The following ASH1L variants were observed in gnomAD, a reference collection of about 807,000 sequenced individuals.
ASH1L encodes ASH1 like histone lysine methyltransferase.
ASH1L carries 23 observed loss-of-function variants against 269.0 expected under a neutral mutation model. The observed-to-expected ratio is 0.09, with a 90% CI of 0.06 to 0.12. ASH1L has a LOEUF of 0.12. Ranked by LOEUF, ASH1L falls within the 10% of genes least tolerant of loss-of-function variation. The probability of loss-of-function intolerance (pLI) is 1.00; values close to 1 mark genes in which losing one functional copy is unlikely to be tolerated. For missense variants in ASH1L, 2,912 were observed against 3,567.8 expected, an observed-to-expected ratio of 0.82 and a Z score of 4.68; for synonymous variants, 1,187 against 1,253.5, an observed-to-expected ratio of 0.95 and a Z score of 1.12.
rs1654047069 is a variant in ASH1L, at chr1:155,352,767, A to G, written c.7305T>C (p.Ala2435=). The G allele has an allele frequency of 1.2e-6, 2 of 1,614,162 alleles. No individual in the cohort carries two copies. Among genetic ancestry groups the G allele is most frequent in the Non-Finnish European group, 1.7e-6 (2 of 1,180,020 alleles). ...LAAAEENIEV[A]RAARLAQIFK... ...AGATCTGGGCTAGGCGGGCTGCCCG[A>G]GCCACTTCAATATTTTCCTCTGCAG... The change falls in exon 17 of 28, where the codon GCT becomes GCC. Residue 2435 remains alanine, a synonymous_variant. Coordinates refer to ENST00000392403, the MANE Select transcript of ASH1L (RefSeq NM_018489.3).
intron 4 of ASH1L, among the ~76,000 whole-genome samples, chr1:155,443,333 G>A (rs918424675): frequency 4.6e-5 from 7 of 152,092 alleles, no homozygotes; most frequent in Admixed American, 1.3e-4. Flanking sequence ...TTTTTGAATT[G>A]TTCCTATCTT....
intron 2 of ASH1L, among the ~76,000 whole-genome samples, chr1:155,514,278 TG>T (rs1362240073): frequency 6.6e-6 from 1 of 152,188 alleles, no homozygotes; most frequent in Non-Finnish European, 1.5e-5. Flanking sequence ...ATGGTTAAAA[TG>T]GAAAAAGTTC....
At chr1:155,550,781 T>A (rs1671140152) in intron 1 of ASH1L, among the ~76,000 whole-genome samples, 1 of 152,174 alleles carries the variant, frequency 6.6e-6, no homozygotes, top group Non-Finnish European at 1.5e-5. Flanking sequence ...AGCAACAACT[T>A]TTATCTGTTT....
chr1:155,383,032 C>T (rs1369323095), intron 7 of ASH1L, among the ~76,000 whole-genome samples: 1 of 152,068 alleles, frequency 6.6e-6, no homozygotes, highest in African/African-American at 2.4e-5. Context: ...CCTCTTTTCG[C>T]TTTTAACTAA....
rs1422040742 is a variant in ASH1L, at chr1:155,380,225, T to C, written c.6104-109A>G. On this transcript the variant is annotated intron_variant, in intron 7 of 27. Transcript: ENST00000392403. Reference sequence around the variant, plus strand: ...TGTACTGACTAAAAAAATAAAGATTTAATTCTTTAAGGATTTTTCCATCAC... The same window carrying C: ...TGTACTGACTAAAAAAATAAAGATTCAATTCTTTAAGGATTTTTCCATCAC... The C allele has an allele frequency of 7.9e-6, 6 of 755,324 alleles. No homozygotes were observed. The Admixed American group carries it at 1.4e-4, about 18-fold the overall frequency. The allele number at this position is 755,324 out of a possible 1,614,324, so 46.8% of individuals were successfully genotyped here.
At position 155,480,184 on chromosome 1, in the gene ASH1L, G is replaced by C; in HGVS notation, c.2686C>G (p.Gln896Glu). Residue 896 changes from glutamine (Q) to glutamate (E), a missense_variant, in exon 3 of 28, where the codon CAA (glutamine) becomes GAA (glutamate). This residue lies in a region of ASH1L where 715 missense variants were observed against 721.0 expected (regional missense o/e 0.99). Transcript: ENST00000392403. ...FPKKRGRPKR[Q>E]MRSPVKMKPP... Reference sequence around the variant, plus strand: ...TTCATCTTGACTGGTGACCTCATTTGCCTCTTAGGCCTGCCTCTCTTTTTT... The same window carrying C: ...TTCATCTTGACTGGTGACCTCATTTCCCTCTTAGGCCTGCCTCTCTTTTTT... The C allele has an allele frequency of 6.2e-7, 1 of 1,614,138 alleles. No homozygotes were observed. The highest frequency in any genetic ancestry group is 8.5e-7 in the Non-Finnish European group (1 of 1,180,000).
At chr1:155,512,025 T>C (rs953885232) in intron 2 of ASH1L, among the ~76,000 whole-genome samples, 2 of 151,986 alleles carry the variant, frequency 1.3e-5, no homozygotes, top group African/African-American at 2.4e-5. Context: ...TTGGTCAGGC[T>C]GGTCTCGAAC....
chr1:155,543,602 T>C (rs781331104), intron 1 of ASH1L, among the ~76,000 whole-genome samples: 4 of 151,734 alleles, frequency 2.6e-5, no homozygotes, highest in Non-Finnish European at 5.9e-5. Flanking sequence ...GGATATCCGT[T>C]GGCAGAAAAC....
chr1:155,461,374 G>T (rs958976405), intron 3 of ASH1L, among the ~76,000 whole-genome samples: 8 of 138,996 alleles, frequency 5.8e-5, no homozygotes, highest in Non-Finnish European at 1.1e-4. Flanking sequence ...TCATTCAAGA[G>T]TAACACGTTA....
At chr1:155,563,116 GCTC>G (rs1032705134), upstream of ASH1L, 4 of 457,062 alleles carry the variant, frequency 8.8e-6, no homozygotes, top group Middle Eastern at 3.3e-4. Context: ...GCCTCCCTCT[GCTC>G]CTCCTCCTCC....
At chr1:155,526,433 A>C (rs1399388790) in intron 1 of ASH1L, among the ~76,000 whole-genome samples, 1 of 152,228 alleles carries the variant, frequency 6.6e-6, no homozygotes, top group South Asian at 2.1e-4. Flanking sequence ...CTTCCAAATC[A>C]TATTTTATAC....
At chr1:155,490,948 A>G (rs1666731958) in intron 2 of ASH1L, among the ~76,000 whole-genome samples, 1 of 115,818 alleles carries the variant, frequency 8.6e-6, no homozygotes, top group Non-Finnish European at 1.7e-5. Context: ...AACCTGGGAG[A>G]CAGGGTGAGA....
In ASH1L at chr1:155,451,534, C is replaced by A. The variant is rs564367059; in HGVS notation, c.5086+8263G>T. Among the ~76,000 whole-genome samples, 652 of 152,020 alleles carry A rather than the reference C, an allele frequency of 4.3e-3. 2 individuals carry two copies. Among genetic ancestry groups the A allele is most frequent in the Middle Eastern group, 0.01 (3 of 294 alleles). ...CAGCACTTTGGGAGGCCAAGGCCAG[C>A]GGATCACCTGAGGTCAGGAGTTCAA... On this transcript the variant is annotated intron_variant, in intron 4 of 27. Coordinates refer to ENST00000392403, the MANE Select transcript of ASH1L (RefSeq NM_018489.3).
In ASH1L at chr1:155,479,586, G is replaced by A. The variant is rs746135067; in HGVS notation, c.3284C>T (p.Ser1095Leu). ...AAGAATCTCAGAACTACTAGCAGAT[G>A]AAGGCAGTAATGGGGGAAGAATCTG... ...LGQILPPLLP[S>L]SASSSEILPS... is the part of the protein sequence containing the mutation. The change falls in exon 3 of 28, where the codon TCA becomes TTA. Residue 1095 changes from serine (S) to leucine (L), a missense_variant. Ser to Leu is a moderately radical substitution (Grantham distance 145). Transcript: ENST00000392403. 6 of 1,614,212 alleles carry A rather than the reference G, an allele frequency of 3.7e-6. No individual in the cohort carries two copies. Among genetic ancestry groups the A allele is most frequent in the Non-Finnish European group, 5.1e-6 (6 of 1,180,030 alleles).
chr1:155,487,910 T>G (rs1335365099), intron 2 of ASH1L, among the ~76,000 whole-genome samples: 1 of 150,260 alleles, frequency 6.7e-6, no homozygotes, highest in Non-Finnish European at 1.5e-5. Flanking sequence ...TTTTTTGAAA[T>G]GGAGTCTTGC....
At chr1:155,340,196 T>C (rs1652661918) in intron 25 of ASH1L, among the ~76,000 whole-genome samples, 1 of 151,540 alleles carries the variant, frequency 6.6e-6, no homozygotes, top group Non-Finnish European at 1.5e-5. Flanking sequence ...TTTTCTTTCT[T>C]TTTATTTTTT....
chr1:155,385,300 A>G (rs1657335501), intron 7 of ASH1L, among the ~76,000 whole-genome samples: 1 of 152,094 alleles, frequency 6.6e-6, no homozygotes, highest in Admixed American at 6.6e-5. Context: ...AAAATTAGCC[A>G]GGTATGGTGG....
chr1:155,528,585 C>G (rs1669431853), intron 1 of ASH1L, among the ~76,000 whole-genome samples: 1 of 152,070 alleles, frequency 6.6e-6, no homozygotes, highest in South Asian at 2.1e-4. Context: ...AGACTTGCCT[C>G]TTACTGAGGA....
At chr1:155,524,376 G>C (rs1669094228) in intron 1 of ASH1L, among the ~76,000 whole-genome samples, 2 of 151,766 alleles carry the variant, frequency 1.3e-5, no homozygotes, top group Admixed American at 6.6e-5. Context: ...ACAAAAATTA[G>C]CCAGGCGTGG....
Sources: gnomAD v4.1 joint callset for allele counts (sites outside exome capture counted in the v4.1 genomes callset) on GRCh38, gnomAD v4.1.1 for gene constraint, gnomAD v4.1.1 regional missense constraint, MANE v1.5 for transcripts, NCBI Gene and HGNC (gene_info 2026-07-23, HGNC 2026-07-21) for gene names.